The following CEP44 variants were observed in gnomAD, a reference collection of about 807,000 sequenced individuals.
The protein encoded by CEP44 is centrosomal protein 44, also known as centrosomal protein of 44 kDa.
Under a neutral mutation model 46.7 loss-of-function variants are expected in CEP44, and 45 were observed. That is an observed-to-expected ratio of 0.96 (90% CI 0.76 to 1.24). The LOEUF (loss-of-function observed/expected upper bound fraction) is 1.24. Ranked by LOEUF, CEP44 falls within the 50% of genes most tolerant of loss-of-function variation. CEP44 has a pLI of 0.00. For synonymous variants in CEP44, 142 were observed against 146.0 expected, an observed-to-expected ratio of 0.97 and a Z score of 0.20; for missense variants, 475 against 459.7, an observed-to-expected ratio of 1.03 and a Z score of -0.30.
At chr4:174,298,856 G>A (rs937005981) in intron 2 of CEP44, among the ~76,000 whole-genome samples, 15 of 151,962 alleles carry the variant, frequency 9.9e-5, no homozygotes, top group African/African-American at 3.1e-4. Flanking sequence ...TATTTTTTTG[G>A]GAGGAAAACA....
rs536787783 is a variant in CEP44 at position 174,329,950 on chromosome 4, G to A, written c.1087-1532G>A. Among the ~76,000 whole-genome samples the A allele has an allele frequency of 1.4e-4, 21 of 151,928 alleles. No homozygotes were observed. Among genetic ancestry groups the A allele is most frequent in the East Asian group, 3.9e-4 (2 of 5,166 alleles). On this transcript the variant is annotated intron_variant, in intron 8 of 8. Coordinates refer to the CEP44 transcript ENST00000426172. This position sits in a 1 kb window ranked among gnomAD's most constrained non-coding sequence, Gnocchi z 4.0. Reference sequence around the variant, plus strand: ...ATTATAGTTTCAACTTTCATACTTCGTATTAAAATGATTGTATAAGAAAAT... The same window carrying A: ...ATTATAGTTTCAACTTTCATACTTCATATTAAAATGATTGTATAAGAAAAT...
intron 7 of CEP44, 110 bp downstream of exon 7, chr4:174,308,969 A>G (rs1229952991): frequency 4.6e-5 from 42 of 921,028 alleles, no homozygotes; most frequent in Non-Finnish European, 2.2e-5. Flanking sequence ...ATTATTAATC[A>G]TGACATTTTA....
intron 3 of CEP44, 132 bp downstream of exon 3, chr4:174,299,342 A>G: frequency 1.6e-6 from 1 of 612,738 alleles, no homozygotes; most frequent in South Asian, 2.7e-5. Flanking sequence ...AATGATTAAA[A>G]TATTTGAGAA....
At chr4:174,299,012 A>G in intron 2 of CEP44, 60 bp from the exon 3 acceptor site, 1 of 934,404 alleles carries the variant, frequency 1.1e-6, no homozygotes. Context: ...ACCAAAATAG[A>G]ATCAAGAAGC....
chr4:174,283,896 G>C (rs987756780), upstream of CEP44: 6 of 398,864 alleles, frequency 1.5e-5, no homozygotes, highest in African/African-American at 4.1e-5. This position sits in a 1 kb window ranked among gnomAD's most constrained non-coding sequence, Gnocchi z 6.7. Flanking sequence ...TCGGCAGCGA[G>C]GAATCCTGGA....
chr4:174,317,693 G>A lies in CEP44; in HGVS notation c.*310G>A. On this transcript the variant is annotated 3_prime_UTR_variant, in exon 12 of 12. Coordinates refer to ENST00000503780, the MANE Select transcript of CEP44 (RefSeq NM_001040157.3). ...TTGACATTTGTTGGCAGTGTGCTAA[G>A]TAATGTTTTTTAAAGCACAGGCTTG... The A allele has an allele frequency of 1.0e-6, 1 of 1,002,572 alleles. No homozygotes were observed. The highest frequency in any genetic ancestry group is 1.7e-5 in the African/African-American group (1 of 58,022). 62.1% of individuals were successfully genotyped at this position (1,002,572 alleles called of 1,614,324 possible).
At chr4:174,304,097 C>T in intron 5 of CEP44, 150 bp from the exon 6 acceptor site, 2 of 988,726 alleles carry the variant, frequency 2.0e-6, no homozygotes, top group South Asian at 4.1e-5. Flanking sequence ...TTCATTACTT[C>T]TTAGTTTTTA....
chr4:174,327,687 G>C (rs925844166), intron 8 of CEP44, among the ~76,000 whole-genome samples: 1 of 152,110 alleles, frequency 6.6e-6, no homozygotes, highest in East Asian at 1.9e-4. Context: ...TGACTGTAGT[G>C]GGGAATGGAT....
At chr4:174,323,142 G>GA (rs535262453), downstream of CEP44, among the ~76,000 whole-genome samples, 2 of 151,724 alleles carry the variant, frequency 1.3e-5, no homozygotes, top group Admixed American at 6.6e-5. Flanking sequence ...AAACATTCTT[G>GA]AAAAAAATAT....
At chr4:174,320,704 A>ATGTGTGTGTGTGTGTGTGTATGTGTGTG (rs796604982), downstream of CEP44, among the ~76,000 whole-genome samples, 538 of 125,310 alleles carry the variant, frequency 4.3e-3, 3 homozygotes, top group East Asian at 0.015. Flanking sequence ...GTGTGTGTGT[A>ATGTGTGTGTGTGTGTGTGTATGTGTGTG]TGTGTGTGTG....
Position 174,309,833 on chromosome 4 carries a change from C to A in CEP44, c.679-17C>A. 1.3e-6 allele frequency: 2 copies of A among 1,498,450 alleles called. No homozygotes were observed. Among genetic ancestry groups the A allele is most frequent in the Non-Finnish European group, 1.8e-6 (2 of 1,095,648 alleles). 92.8% of individuals were successfully genotyped at this position (1,498,450 alleles called of 1,614,324 possible). Reference sequence around the variant, plus strand: ...CAGTTTGTTTAATTTTATTTTTAATCTCTCTAACCTTTTTAGGATGTAAAT... The same window carrying A: ...CAGTTTGTTTAATTTTATTTTTAATATCTCTAACCTTTTTAGGATGTAAAT... On this transcript the variant is annotated splice_polypyrimidine_tract_variant and intron_variant, in intron 7 of 11. Transcript: ENST00000503780. The surrounding 1 kb of genome is among the most constrained non-coding windows in gnomAD (Gnocchi z 5.3).
At position 174,297,766 on chromosome 4, in the gene CEP44, C is replaced by T. The variant is rs1157945023; in HGVS notation, c.-147-200C>T. ...CCTGATGTTACCAAATTTAGTGCCT[C>T]CTTGATTCAATTTCTTTGGAGTGTA... On this transcript the variant is annotated intron_variant, in intron 1 of 11. Transcript: ENST00000503780. The surrounding 1 kb of genome is among the most constrained non-coding windows in gnomAD (Gnocchi z 4.3). Among the ~76,000 whole-genome samples the T allele has an allele frequency of 6.6e-6, 1 of 152,042 alleles. No homozygotes were observed. Among genetic ancestry groups the T allele is most frequent in the African/African-American group, 2.4e-5 (1 of 41,386 alleles).
intron 2 of CEP44, 33 bp from the exon 3 acceptor site, chr4:174,299,039 C>T (rs1739402484): frequency 9.0e-6 from 11 of 1,219,754 alleles, no homozygotes; most frequent in Middle Eastern, 2.0e-4. Context: ...AATACAGAGA[C>T]TTAACCAGTA....
chr4:174,285,641 C>A (rs1737503457), intron 1 of CEP44: 1 of 152,174 alleles, frequency 6.6e-6, no homozygotes, highest in Non-Finnish European at 1.5e-5. Context: ...GAATATACAT[C>A]TGGAAGGACT....
In CEP44 at chr4:174,309,997, T is replaced by C. The variant is rs1471483325; in HGVS notation, c.826T>C (p.Trp276Arg). The change falls in exon 8 of 12, where the codon TGG (tryptophan) becomes CGG (arginine). Residue 276 changes from tryptophan (W) to arginine (R), a missense_variant. Physicochemically the swap from Trp to Arg is moderately radical, Grantham distance 101 (BLOSUM62 -3). Transcript: ENST00000503780. The surrounding 1 kb of genome is among the most constrained non-coding windows in gnomAD (Gnocchi z 5.3). ...KGKVMVDENT[W>R]TNLLSRVTLL... ...AAAAGTGATGGTAGATGAAAACACC[T>C]GGACTAATCTTCTTAGTCGTGTCAC... 1 of 1,612,830 alleles carries C rather than the reference T, an allele frequency of 6.2e-7. No homozygotes were observed. The highest frequency in any genetic ancestry group is 1.1e-5 in the South Asian group (1 of 91,038).
At position 174,299,083 on chromosome 4, in the gene CEP44, G is replaced by A. The variant is rs753944057; in HGVS notation, c.-39G>A. On this transcript the variant is annotated 5_prime_UTR_variant, in exon 3 of 12. Coordinates refer to ENST00000503780, the MANE Select transcript of CEP44 (RefSeq NM_001040157.3). ...ATTTCTATTTTCAGGTGAAAAATTA[G>A]ACGATTTCAAGAATTGGAGCTGAAT... 1.3e-6 allele frequency: 2 copies of A among 1,546,932 alleles called. No individual in the cohort carries two copies. The highest frequency in any genetic ancestry group is 3.5e-5 in the Admixed American group (2 of 56,632).
At chr4:174,322,286 T>C (rs1255220841), downstream of CEP44, among the ~76,000 whole-genome samples, 1 of 152,112 alleles carries the variant, frequency 6.6e-6, no homozygotes, top group Non-Finnish European at 1.5e-5. Flanking sequence ...CTTTTCCACT[T>C]TCTGAATGTG....
chr4:174,305,012 C>T (rs1454429523), intron 6 of CEP44, among the ~76,000 whole-genome samples: 2 of 152,156 alleles, frequency 1.3e-5, no homozygotes, highest in Admixed American at 1.3e-4. Flanking sequence ...CTGGAGAAGA[C>T]TCTGATTGAA....
chr4:174,323,759 G>A (rs984410564), downstream of CEP44, among the ~76,000 whole-genome samples: 3 of 152,100 alleles, frequency 2.0e-5, no homozygotes, highest in African/African-American at 7.2e-5. Flanking sequence ...CAATCTGAGG[G>A]TGGAGTTTTT....
Sources: gnomAD v4.1 joint callset for allele counts (sites outside exome capture counted in the v4.1 genomes callset) on GRCh38, gnomAD v4.1.1 for gene constraint, Gnocchi (gnomAD v3.1) non-coding constraint, MANE v1.5 for transcripts, NCBI Gene and HGNC (gene_info 2026-07-23, HGNC 2026-07-21) for gene names.